The following GRIA4 variants were observed in gnomAD, a reference collection of about 807,000 sequenced individuals.
GRIA4 encodes the protein glutamate ionotropic receptor AMPA type subunit 4, also known as glutamate receptor 4.
Under a neutral mutation model 104.0 loss-of-function variants are expected in GRIA4, and 34 were observed. That is an observed-to-expected ratio of 0.33 (90% confidence interval 0.25 to 0.44). GRIA4 has a LOEUF of 0.44. Ranked by LOEUF, GRIA4 falls within the 20% of genes least tolerant of loss-of-function variation. The pLI, the probability that GRIA4 is intolerant of heterozygous loss-of-function variation, is 1.00. For synonymous variants in GRIA4, 386 were observed against 381.9 expected (o/e 1.01, Z -0.13); for missense variants, 750 against 1,096.5 (o/e 0.68, Z 4.46).
chr11:105,869,789 A>T (rs1379401911), intron 5 of GRIA4, among the ~76,000 whole-genome samples: 2 of 152,116 alleles, frequency 1.3e-5, no homozygotes, highest in Non-Finnish European at 2.9e-5. Flanking sequence ...CAGAAAAGTA[A>T]TGGAACAAAT....
At chr11:105,907,507 A>G (rs571612245) in intron 9 of GRIA4, among the ~76,000 whole-genome samples, 82 of 152,274 alleles carry the variant, frequency 5.4e-4, no homozygotes, top group African/African-American at 1.9e-3. Context: ...CAGAGAGTCA[A>G]CCCATCAGTT....
intron 3 of GRIA4, among the ~76,000 whole-genome samples, chr11:105,703,808 A>T (rs1953593042): frequency 6.6e-6 from 1 of 152,136 alleles, no homozygotes; most frequent in African/African-American, 2.4e-5. Context: ...TGGGATAAAT[A>T]ATTAATAGGC....
At chr11:105,854,402 G>T (rs953847946) in intron 4 of GRIA4, among the ~76,000 whole-genome samples, 1 of 152,132 alleles carries the variant, frequency 6.6e-6, no homozygotes, top group African/African-American at 2.4e-5. Context: ...GAGCACCCCT[G>T]GCAAAGCAGC....
At chr11:105,923,263 C>G (rs1339237627) in intron 11 of GRIA4, among the ~76,000 whole-genome samples, 3 of 152,108 alleles carry the variant, frequency 2.0e-5, no homozygotes, top group Non-Finnish European at 2.9e-5. Context: ...GATCATGCGA[C>G]AGTTTAGTTT....
intron 14 of GRIA4, among the ~76,000 whole-genome samples, chr11:105,935,182 A>G (rs559223856): frequency 1.3e-5 from 2 of 152,288 alleles, no homozygotes; most frequent in African/African-American, 4.8e-5. Context: ...TTAAACCAAT[A>G]TATTGTGTTT....
At chr11:105,813,804 G>A (rs964385819) in intron 4 of GRIA4, among the ~76,000 whole-genome samples, 3 of 151,890 alleles carry the variant, frequency 2.0e-5, no homozygotes, top group African/African-American at 7.3e-5. Context: ...GAGGATACAT[G>A]AACAAAACAA....
chr11:105,926,780 C>G lies in GRIA4; in HGVS notation c.1887C>G (p.Phe629Leu), dbSNP rs1591453417. The part of the protein sequence containing the change: ...SGRIVGGVWW[F>L]FTLIIISSYT... ...GAATTGTTGGAGGTGTTTGGTGGTTCTTTACACTCATCATTATATCATCTT... is the reference window on the plus strand; with the variant it reads ...GAATTGTTGGAGGTGTTTGGTGGTTGTTTACACTCATCATTATATCATCTT... The change falls in exon 13 of 17, where the codon TTC becomes TTG. Residue 629 changes from phenylalanine (F) to leucine (L), a missense_variant. Around this residue, in one of 3 missense-constraint regions of GRIA4, gnomAD observed 272 missense variants for 524.5 expected, o/e 0.52. Transcript: ENST00000282499. 1 of 1,610,526 alleles carries G rather than the reference C, an allele frequency of 6.2e-7. No individual in the cohort carries two copies. Among genetic ancestry groups the G allele is most frequent in the East Asian group, 2.2e-5 (1 of 44,830 alleles).
intron 3 of GRIA4, among the ~76,000 whole-genome samples, chr11:105,617,246 G>A (rs887868534): frequency 6.6e-6 from 1 of 150,382 alleles, no homozygotes; most frequent in Non-Finnish European, 1.5e-5. Context: ...CTATATATGT[G>A]TGTGTGTATA....
chr11:105,794,508 T>TAC (rs1402817221), intron 4 of GRIA4, among the ~76,000 whole-genome samples: 5 of 122,970 alleles, frequency 4.1e-5, no homozygotes, highest in South Asian at 2.5e-4. Flanking sequence ...TATATATATA[T>TAC]ATATACATAT....
chr11:105,940,544 T>C (rs1382997859), intron 14 of GRIA4, among the ~76,000 whole-genome samples: 1 of 152,172 alleles, frequency 6.6e-6, no homozygotes, highest in African/African-American at 2.4e-5. Context: ...ATGCCTATAA[T>C]ACAATACTAT....
chr11:105,674,535 T>C (rs996623799), intron 3 of GRIA4, among the ~76,000 whole-genome samples: 1 of 151,804 alleles, frequency 6.6e-6, no homozygotes, highest in East Asian at 1.9e-4. Flanking sequence ...TATAATGCAG[T>C]CACTGAAAAA....
intron 3 of GRIA4, among the ~76,000 whole-genome samples, chr11:105,686,437 C>G (rs1952884731): frequency 6.6e-6 from 1 of 152,100 alleles, no homozygotes; most frequent in Admixed American, 6.6e-5. Context: ...GTATTCCATG[C>G]TGTATAGGTA....
intron 14 of GRIA4, among the ~76,000 whole-genome samples, chr11:105,942,996 C>A (rs933599525): frequency 1.3e-5 from 2 of 152,098 alleles, no homozygotes; most frequent in African/African-American, 4.8e-5. Flanking sequence ...ATTTCCTTCC[C>A]ACTTTGAGAG....
Position 105,831,183 on chromosome 11 carries a change from G to A in GRIA4, c.488-30841G>A, listed in dbSNP as rs369929783. Among the ~76,000 whole-genome samples the A allele has an allele frequency of 1.3e-4, 19 of 151,996 alleles. 1 individual carries two copies. The highest frequency in any genetic ancestry group is 4.6e-4 in the African/African-American group (19 of 41,410). On this transcript the variant is annotated intron_variant, in intron 4 of 16. Transcript: ENST00000282499. ...GTTCATTCATATGCCTGGCAAGTTG[G>A]TATCAGCTCTCAGCTGGTATCTCCA...
chr11:105,960,831 T>G (rs531977794), intron 14 of GRIA4, among the ~76,000 whole-genome samples: 24 of 152,246 alleles, frequency 1.6e-4, no homozygotes, highest in African/African-American at 5.8e-4. Flanking sequence ...CCCGGATGGG[T>G]AGCGTACTCA....
chr11:105,923,236 A>T (rs1279715043), intron 11 of GRIA4, among the ~76,000 whole-genome samples: 6 of 151,676 alleles, frequency 4.0e-5, no homozygotes, highest in African/African-American at 1.5e-4. Flanking sequence ...AACAATCAAA[A>T]CTCCCTTTTA....
chr11:105,627,898 T>C (rs1950928543), intron 3 of GRIA4, among the ~76,000 whole-genome samples: 3 of 152,212 alleles, frequency 2.0e-5, no homozygotes, highest in African/African-American at 7.2e-5. Context: ...GCCGCCTTTT[T>C]AAAGTTATTC....
intron 3 of GRIA4, chr11:105,614,035 C>T (rs532072859): frequency 3.5e-4 from 53 of 151,918 alleles, no homozygotes; most frequent in African/African-American, 1.2e-3. Flanking sequence ...CTAAGGAAAG[C>T]ATTCTTTTTA....
intron 14 of GRIA4, among the ~76,000 whole-genome samples, chr11:105,949,921 C>T (rs1948418967): frequency 6.6e-6 from 1 of 152,190 alleles, no homozygotes; most frequent in South Asian, 2.1e-4. Context: ...TTGCCATTTA[C>T]TAGCCAATCA....
Sources: gnomAD v4.1 joint callset for allele counts (sites outside exome capture counted in the v4.1 genomes callset) on GRCh38, gnomAD v4.1.1 for gene constraint, gnomAD v4.1.1 regional missense constraint, MANE v1.5 for transcripts, NCBI Gene and HGNC (gene_info 2026-07-23, HGNC 2026-07-21) for gene names.